The following PPP2R5E variants were observed in gnomAD, a reference collection of about 807,000 sequenced individuals.
The protein encoded by PPP2R5E is serine/threonine-protein phosphatase 2A 56 kDa regulatory subunit epsilon isoform.
A neutral mutation model predicts 65.3 loss-of-function variants in PPP2R5E; 4 were observed. That is an observed-to-expected ratio of 0.06 (90% CI 0.03 to 0.14). PPP2R5E has a LOEUF of 0.14. PPP2R5E is among the 10% of genes least tolerant of loss of function. The pLI, the probability that PPP2R5E is intolerant of heterozygous loss-of-function variation, is 1.00. For missense variants in PPP2R5E, 274 were observed against 556.1 expected, an observed-to-expected ratio of 0.49 and a Z score of 5.10; for synonymous variants, 183 against 187.4, an observed-to-expected ratio of 0.98 and a Z score of 0.19.
intron 2 of PPP2R5E, among the ~76,000 whole-genome samples, chr14:63,503,895 C>T (rs775518591): frequency 1.4e-4 from 22 of 152,114 alleles, no homozygotes; most frequent in Non-Finnish European, 2.6e-4. Flanking sequence ...AGGGCAGAAC[C>T]CTGGTTTTAA....
chr14:63,468,624 C>A (rs564524084), intron 2 of PPP2R5E, among the ~76,000 whole-genome samples: 2 of 152,134 alleles, frequency 1.3e-5, no homozygotes, highest in Admixed American at 1.3e-4. Context: ...AACAAGGATA[C>A]CACTTGGGTC....
At chr14:63,440,848 C>G (rs1888196510) in intron 3 of PPP2R5E, among the ~76,000 whole-genome samples, 1 of 149,150 alleles carries the variant, frequency 6.7e-6, no homozygotes, top group South Asian at 2.1e-4. Flanking sequence ...ACTCGGGAGG[C>G]TGAGGCAGGA....
intron 2 of PPP2R5E, among the ~76,000 whole-genome samples, chr14:63,471,238 G>A (rs1890115994): frequency 6.6e-6 from 1 of 152,200 alleles, no homozygotes; most frequent in Non-Finnish European, 1.5e-5. Flanking sequence ...TGGGCCAGAA[G>A]AACCTCATTC....
intron 2 of PPP2R5E, among the ~76,000 whole-genome samples, chr14:63,457,883 T>C (rs922356955): frequency 6.6e-6 from 1 of 152,204 alleles, no homozygotes; most frequent in Non-Finnish European, 1.5e-5. Context: ...TTCCAGAATA[T>C]GTTTCTCCAC....
At chr14:63,475,911 A>T (rs1890391077) in intron 2 of PPP2R5E, among the ~76,000 whole-genome samples, 1 of 152,210 alleles carries the variant, frequency 6.6e-6, no homozygotes, top group Admixed American at 6.5e-5. Context: ...ATTCAAAGGG[A>T]AGTTTACAGT....
intron 4 of PPP2R5E, 48 bp from the exon 5 acceptor site, chr14:63,415,280 A>T (rs1356803570): frequency 2.2e-6 from 3 of 1,392,728 alleles, no homozygotes; most frequent in Admixed American, 1.8e-5. Context: ...CTCACTGAGA[A>T]CAGTACTAAA....
chr14:63,536,602 C>T (rs998394388), intron 2 of PPP2R5E, among the ~76,000 whole-genome samples: 4 of 152,146 alleles, frequency 2.6e-5, no homozygotes, highest in African/African-American at 9.7e-5. Flanking sequence ...TCACAATAGC[C>T]TGAAGGTGGA....
In PPP2R5E at chr14:63,439,794, T is replaced by C. The variant is rs151067415; in HGVS notation, c.354+13895A>G. ...GTCCATCATGGAGATGGAGGGATGT[T>C]TGAATCATCTAATTAACTCCCCTTG... On this transcript the variant is annotated intron_variant, in intron 3 of 13. Coordinates refer to ENST00000337537, the MANE Select transcript of PPP2R5E (RefSeq NM_006246.5). Among the ~76,000 whole-genome samples the C allele has an allele frequency of 7.0e-3, 1,066 of 152,312 alleles. 7 individuals are homozygous for C. The highest frequency in any genetic ancestry group is 0.012 in the Non-Finnish European group (804 of 68,014).
chr14:63,377,705 A>G (rs1435460007), intron 13 of PPP2R5E, among the ~76,000 whole-genome samples: 2 of 152,230 alleles, frequency 1.3e-5, no homozygotes, highest in Admixed American at 6.5e-5. Context: ...AATTAGTTTC[A>G]GCTATCTCAA....
rs1338527148 is a variant in PPP2R5E at position 63,393,841 on chromosome 14, G to A, written c.828C>T (p.Ser276=). ...KVLIPLHTVR[S]LSLFHAQLAY... ...CTACCTGTGCATGGAAGAGTGATAAGCTCCTGACAGTGTGTAAAGGGATCA... is the reference window on the plus strand; with the variant it reads ...CTACCTGTGCATGGAAGAGTGATAAACTCCTGACAGTGTGTAAAGGGATCA... Residue 276 remains serine (S), a synonymous_variant, in exon 8 of 14, where the codon AGC becomes AGT. Coordinates refer to ENST00000337537, the MANE Select transcript of PPP2R5E (RefSeq NM_006246.5). The A allele has an allele frequency of 2.5e-6, 4 of 1,603,088 alleles. No homozygotes were observed. Among genetic ancestry groups the A allele is most frequent in the Non-Finnish European group, 3.4e-6 (4 of 1,170,346 alleles).
At chr14:63,485,216 A>G (rs1012159492) in intron 2 of PPP2R5E, among the ~76,000 whole-genome samples, 1 of 150,654 alleles carries the variant, frequency 6.6e-6, no homozygotes, top group South Asian at 2.1e-4. Context: ...AAAAAAAAAA[A>G]CATACTGGCA....
At chr14:63,504,615 G>A (rs903503605) in intron 2 of PPP2R5E, among the ~76,000 whole-genome samples, 1 of 152,058 alleles carries the variant, frequency 6.6e-6, no homozygotes, top group Non-Finnish European at 1.5e-5. Context: ...ATCAAGTACT[G>A]CTTGAGAAAC....
intron 3 of PPP2R5E, among the ~76,000 whole-genome samples, chr14:63,432,788 G>C (rs949539747): frequency 6.6e-6 from 1 of 152,066 alleles, no homozygotes; most frequent in African/African-American, 2.4e-5. Context: ...AATAGAAGCA[G>C]AATTTATAAT....
intron 13 of PPP2R5E, among the ~76,000 whole-genome samples, chr14:63,379,826 C>CTCTCTTTTTTTTTT (rs528081976): frequency 1.0e-5 from 1 of 100,300 alleles, no homozygotes; most frequent in African/African-American, 5.2e-5. Flanking sequence ...TATTCTCTCT[C>CTCTCTTTTTTTTTT]TTTTTTTTTT....
chr14:63,390,125 G>C lies in PPP2R5E; in HGVS notation c.955-394C>G, dbSNP rs944267089. On this transcript the variant is annotated intron_variant, in intron 10 of 13. Transcript: ENST00000337537. The stretch of plus-strand genomic sequence containing the variant: ...GAAGGTGGCCCTCCTAAATGGAAGA[G>C]GCAAAAGTTCAAATGTGGTTATTTG... Among the ~76,000 whole-genome samples the C allele has an allele frequency of 4.6e-5, 7 of 151,898 alleles. No homozygotes were observed. The East Asian group carries it at 1.2e-3, about 25-fold the overall frequency.
chr14:63,397,114 T>G (rs1271124891), intron 5 of PPP2R5E, among the ~76,000 whole-genome samples: 1 of 152,094 alleles, frequency 6.6e-6, no homozygotes, highest in Admixed American at 6.5e-5. Context: ...AGCTAATAGG[T>G]GGTAAAGCTA....
At chr14:63,399,262 C>G (rs1415472863) in intron 5 of PPP2R5E, among the ~76,000 whole-genome samples, 1 of 150,926 alleles carries the variant, frequency 6.6e-6, no homozygotes, top group African/African-American at 2.4e-5. Context: ...ACACAGAAGG[C>G]CATACAATGT....
chr14:63,430,895 C>T (rs1887632520), intron 3 of PPP2R5E, among the ~76,000 whole-genome samples: 1 of 151,932 alleles, frequency 6.6e-6, no homozygotes, highest in African/African-American at 2.4e-5. Context: ...TTTTTTAAAC[C>T]TTGTCATCTA....
intron 2 of PPP2R5E, among the ~76,000 whole-genome samples, chr14:63,538,314 G>A (rs1226197702): frequency 1.3e-5 from 2 of 149,678 alleles, no homozygotes; most frequent in East Asian, 3.9e-4. Flanking sequence ...AGGCTAGAAT[G>A]CAATGGCACG....
Sources: allele counts gnomAD v4.1 joint callset (sites outside exome capture counted in the v4.1 genomes callset), GRCh38; gene constraint gnomAD v4.1.1; transcripts MANE v1.5; gene names NCBI Gene and HGNC (gene_info 2026-07-23, HGNC 2026-07-21).